The following CDK13 variants were observed in gnomAD, a reference collection of about 807,000 sequenced individuals.
CDK13 encodes cyclin dependent kinase 13, also known as cyclin-dependent kinase 13.
In CDK13, 40 loss-of-function variants were observed where a neutral mutation model predicts 137.6. The ratio of observed to expected loss-of-function variants is 0.29; its 90% CI spans 0.23 to 0.38. The LOEUF (loss-of-function observed/expected upper bound fraction) is 0.38. Among genes scored for constraint, CDK13 ranks in the 10% least tolerant of loss-of-function variants. The probability of loss-of-function intolerance (pLI) is 1.00; values close to 1 mark genes in which losing one functional copy is unlikely to be tolerated. For synonymous variants in CDK13, 869 were observed against 760.1 expected, an observed-to-expected ratio of 1.14 and a Z score of -2.36; for missense variants, 1,704 against 1,951.8, an observed-to-expected ratio of 0.87 and a Z score of 2.39.
chr7:39,977,871 A>T (rs2116220562), intron 1 of CDK13, among the ~76,000 whole-genome samples: 1 of 152,278 alleles, frequency 6.6e-6, no homozygotes, highest in African/African-American at 2.4e-5. Flanking sequence ...GAGATGCTTG[A>T]GATGTAGAAT....
intron 1 of CDK13, among the ~76,000 whole-genome samples, chr7:39,956,045 T>C (rs1055345818): frequency 5.3e-5 from 8 of 152,104 alleles, no homozygotes; most frequent in Non-Finnish European, 1.0e-4. Context: ...ATTTAGTGTT[T>C]TGTCCTGAAA....
At chr7:40,082,654 G>T (rs1176925862) in intron 11 of CDK13, among the ~76,000 whole-genome samples, 1 of 151,850 alleles carries the variant, frequency 6.6e-6, no homozygotes, top group Non-Finnish European at 1.5e-5. Flanking sequence ...AGCTGGGCAT[G>T]GTGGCGTGTG....
At chr7:40,026,799 G>A (rs1001302269) in intron 5 of CDK13, among the ~76,000 whole-genome samples, 1 of 152,092 alleles carries the variant, frequency 6.6e-6, no homozygotes, top group African/African-American at 2.4e-5. Context: ...GAAATAATCC[G>A]AATAATAAAA....
chr7:40,011,549 T>C (rs1389451392), intron 5 of CDK13, among the ~76,000 whole-genome samples: 2 of 152,168 alleles, frequency 1.3e-5, no homozygotes, highest in African/African-American at 4.8e-5. Flanking sequence ...AGAATAGCTT[T>C]TCAGCAACTG....
intron 3 of CDK13, chr7:39,998,442 C>CAAAAAAAAAA (rs1784609425): frequency 4.1e-5 from 3 of 72,616 alleles, no homozygotes; most frequent in African/African-American, 2.2e-4. Flanking sequence ...CCCATCTCTA[C>CAAAAAAAAAA]CAAAAAAAAA....
intron 7 of CDK13, among the ~76,000 whole-genome samples, chr7:40,058,968 G>A (rs1287310172): frequency 6.6e-6 from 1 of 152,078 alleles, no homozygotes; most frequent in Non-Finnish European, 1.5e-5. Context: ...TTGCCTTCAA[G>A]CAGGAAGAAA....
At chr7:39,991,669 A>C (rs13310449) in intron 2 of CDK13, among the ~76,000 whole-genome samples, 1 of 152,028 alleles carries the variant, frequency 6.6e-6, no homozygotes, top group African/African-American at 2.4e-5. Flanking sequence ...TAATAATACA[A>C]TTAGCATCTG....
At chr7:40,046,703 T>C (rs1237735484) in intron 6 of CDK13, among the ~76,000 whole-genome samples, 1 of 151,680 alleles carries the variant, frequency 6.6e-6, no homozygotes, top group East Asian at 1.9e-4. Context: ...TCAAAAGTTG[T>C]GTTACATAGC....
At chr7:40,076,767 A>C (rs1393936032) in intron 9 of CDK13, among the ~76,000 whole-genome samples, 1 of 152,342 alleles carries the variant, frequency 6.6e-6, no homozygotes, top group South Asian at 2.1e-4. Flanking sequence ...AGCTAAAAAA[A>C]TGTCTGGCAA....
chr7:40,046,686 G>T (rs73129819), intron 6 of CDK13, among the ~76,000 whole-genome samples: 1 of 151,492 alleles, frequency 6.6e-6, no homozygotes, highest in Non-Finnish European at 1.5e-5. Context: ...TTATAACTTG[G>T]GATACCTCAA....
chr7:39,983,356 C>T (rs1474519026), intron 1 of CDK13, among the ~76,000 whole-genome samples: 3 of 152,086 alleles, frequency 2.0e-5, no homozygotes, highest in Non-Finnish European at 2.9e-5. Flanking sequence ...CTCCTGACCT[C>T]GTGATCCGCC....
chr7:39,999,247 A>G (rs938150302), intron 3 of CDK13, 114 bp from the exon 4 acceptor site: 4 of 791,284 alleles, frequency 5.1e-6, no homozygotes, highest in African/African-American at 1.8e-5. Flanking sequence ...AAATACTGCA[A>G]GGGTAGGGAA....
At position 40,094,646 on chromosome 7, in the gene CDK13, G is replaced by C; in HGVS notation, c.4205G>C (p.Ser1402Thr). The change falls in exon 14 of 14, where the codon AGT (serine) becomes ACT (threonine). Residue 1402 changes from serine (S) to threonine (T), a missense_variant. Ser to Thr is a moderately conservative substitution (Grantham distance 58). Transcript: ENST00000181839. ...TCTGCCTTTTCTGAGTCATTTCCCAGTTCAGTAGCTGGATATGGAGACATT... is the reference window on the plus strand; with the variant it reads ...TCTGCCTTTTCTGAGTCATTTCCCACTTCAGTAGCTGGATATGGAGACATT... ...QPSAFSESFP[S>T]SVAGYGDIYL... 6.2e-7 allele frequency: 1 copy of C among 1,614,170 alleles called. No individual in the cohort carries two copies. Among genetic ancestry groups the C allele is most frequent in the Non-Finnish European group, 8.5e-7 (1 of 1,180,034 alleles).
intron 1 of CDK13, among the ~76,000 whole-genome samples, chr7:39,976,323 T>TCTCACACACACACACACACACACACACA: frequency 5.1e-5 from 2 of 39,548 alleles, no homozygotes; most frequent in Non-Finnish European, 1.2e-4. Flanking sequence ...TCTCTCTCTC[T>TCTCACACACACACACACACACACACACA]CACACACACA....
At chr7:39,991,562 C>G (rs912242139) in intron 2 of CDK13, among the ~76,000 whole-genome samples, 25 of 151,420 alleles carry the variant, frequency 1.7e-4, no homozygotes, top group Admixed American at 6.6e-4. Context: ...CTGTACTCCA[C>G]TTGCTTTTGC....
intron 11 of CDK13, among the ~76,000 whole-genome samples, chr7:40,080,510 A>G (rs1465745782): frequency 2.6e-5 from 4 of 152,134 alleles, no homozygotes; most frequent in Non-Finnish European, 4.4e-5. Context: ...TGAGCTGTAC[A>G]TGGTTGGCCT....
At chr7:39,988,852 C>T (rs1220351626) in intron 2 of CDK13, among the ~76,000 whole-genome samples, 2 of 151,824 alleles carry the variant, frequency 1.3e-5, no homozygotes, top group African/African-American at 4.8e-5. Flanking sequence ...GAGGCCGAGG[C>T]GGGTGGATCA....
At chr7:40,005,420 G>A (rs1784778212) in intron 5 of CDK13, among the ~76,000 whole-genome samples, 1 of 151,536 alleles carries the variant, frequency 6.6e-6, no homozygotes, top group Admixed American at 6.6e-5. Context: ...CTTCCAAGTA[G>A]CCAGCATTAC....
rs972532551 is a variant in CDK13 at position 39,963,386 on chromosome 7, A to G, written c.1211+11534A>G. Among the ~76,000 whole-genome samples the G allele has an allele frequency of 3.3e-5, 5 of 152,140 alleles. No homozygotes were observed. The South Asian group carries it at 8.3e-4, about 25-fold the overall frequency. On this transcript the variant is annotated intron_variant, in intron 1 of 13. Coordinates refer to ENST00000181839, the MANE Select transcript of CDK13 (RefSeq NM_003718.5). Reference sequence around the variant, plus strand: ...TGGGTATTTTACTCTCTTTAAAGCAATTGTGAATGGGAGTTCACTCATGAT... The same window carrying G: ...TGGGTATTTTACTCTCTTTAAAGCAGTTGTGAATGGGAGTTCACTCATGAT...
Sources: allele counts gnomAD v4.1 joint callset (sites outside exome capture counted in the v4.1 genomes callset), GRCh38; gene constraint gnomAD v4.1.1; transcripts MANE v1.5; gene names NCBI Gene and HGNC (gene_info 2026-07-23, HGNC 2026-07-21).